The following ZNF341 variants were observed in gnomAD, a reference collection of about 807,000 sequenced individuals.
ZNF341 encodes the protein zinc finger protein 341.
In ZNF341, 52 loss-of-function variants were observed where a neutral mutation model predicts 87.7. That is an observed-to-expected ratio of 0.59 (90% CI 0.47 to 0.75). ZNF341 has a LOEUF of 0.75. ZNF341 is among the 30% of genes least tolerant of loss of function. ZNF341 has a pLI of 0.00. For missense variants in ZNF341, 977 were observed against 1,145.9 expected (o/e 0.85, Z 2.13); for synonymous variants, 459 against 472.7 (o/e 0.97, Z 0.38).
chr20:33,768,907 T>C (rs902961470), intron 9 of ZNF341, among the ~76,000 whole-genome samples: 2 of 152,116 alleles, frequency 1.3e-5, no homozygotes, highest in Non-Finnish European at 2.9e-5. Context: ...GAGTCAGAAT[T>C]TTACTTAACT....
Position 33,790,874 on chromosome 20 carries a change from G to A in ZNF341, c.2036-114G>A, listed in dbSNP as rs1315186057. 3.9e-6 allele frequency: 5 copies of A among 1,266,446 alleles called. No homozygotes were observed. In the South Asian group the frequency reaches 4.5e-5, roughly 11 times the overall value. 78.5% of individuals were successfully genotyped at this position (1,266,446 alleles called of 1,614,324 possible). A position where few individuals can be genotyped will look rare whatever the true frequency, so the allele number is the denominator to read the frequency against. On this transcript the variant is annotated intron_variant, in intron 14 of 14. Transcript: ENST00000375200. The stretch of plus-strand genomic sequence containing the variant: ...AGACGACGAGGGTGGAGAGAGCTGG[G>A]GCCAGATCACACAGGTGCTGGTGGG...
At chr20:33,770,411 C>T (rs1015401494) in intron 10 of ZNF341, 119 bp downstream of exon 10, 25 of 1,044,376 alleles carry the variant, frequency 2.4e-5, no homozygotes, top group South Asian at 4.9e-5. Context: ...AAGGAGAAAC[C>T]GAGGCTCCTG....
chr20:33,781,838 C>T (rs1197626669), intron 11 of ZNF341, among the ~76,000 whole-genome samples: 1 of 152,018 alleles, frequency 6.6e-6, no homozygotes, highest in Non-Finnish European at 1.5e-5. Context: ...TGCCACCATG[C>T]CCAGCTAATT....
At position 33,783,777 on chromosome 20, in the gene ZNF341, G is replaced by C; in HGVS notation, c.1765G>C (p.Gly589Arg). 1 of 1,613,788 alleles carries C rather than the reference G, an allele frequency of 6.2e-7. No individual in the cohort carries two copies. Among genetic ancestry groups the C allele is most frequent in the Non-Finnish European group, 8.5e-7 (1 of 1,179,870 alleles). ...CCTGCGGCGTCATCTGCCCACCCACGGCAGCGGGGGCAGGTTCAAGTGCCA... is the reference window on the plus strand; with the variant it reads ...CCTGCGGCGTCATCTGCCCACCCACCGCAGCGGGGGCAGGTTCAAGTGCCA... ...RYLRRHLPTH[G>R]SGGRFKCQVC... The change falls in exon 12 of 15, where the codon GGC (glycine) becomes CGC (arginine). Residue 589 changes from glycine to arginine, a missense_variant. This residue lies in a region of ZNF341 where 241 missense variants were observed against 335.0 expected (regional missense o/e 0.72). Coordinates refer to ENST00000375200, the MANE Select transcript of ZNF341 (RefSeq NM_001282933.2).
chr20:33,737,396 A>G (rs192007908), intron 1 of ZNF341, among the ~76,000 whole-genome samples: 3,755 of 152,168 alleles, frequency 0.025, 137 homozygotes, highest in African/African-American at 0.085. Flanking sequence ...ATCTCACCTC[A>G]CTGCAACCTC....
At chr20:33,733,704 A>T (rs1377869864) in intron 1 of ZNF341, among the ~76,000 whole-genome samples, 1 of 152,152 alleles carries the variant, frequency 6.6e-6, no homozygotes, top group Non-Finnish European at 1.5e-5. Flanking sequence ...CACAATTCGC[A>T]CCAGGAAATG....
At position 33,781,375 on chromosome 20, in the gene ZNF341, A is replaced by G. The variant is rs1568592487; in HGVS notation, c.1707A>G (p.Pro569=). 1 of 1,614,040 alleles carries G rather than the reference A, an allele frequency of 6.2e-7. No individual in the cohort carries two copies. The highest frequency in any genetic ancestry group is 2.2e-5 in the East Asian group (1 of 44,872). Residue 569 remains proline (P), a synonymous_variant, in exon 11 of 15, where the codon CCA becomes CCG. Transcript: ENST00000375200. The part of the protein sequence containing the change: ...LQTATHNFPC[P]HCQKVFPCER... ...CCGCCACTCACAACTTCCCCTGCCC[A>G]CACTGCCAGAAGGTGGGTGCCACTG...
At chr20:33,762,648 A>G (rs2019320163) in intron 8 of ZNF341, among the ~76,000 whole-genome samples, 1 of 151,932 alleles carries the variant, frequency 6.6e-6, no homozygotes, top group Admixed American at 6.6e-5. Context: ...TAGGCCCTGC[A>G]TGCATTCGGT....
Position 33,770,293 on chromosome 20 carries a change from G to A in ZNF341, c.1622+1G>A, listed in dbSNP as rs1461028276. The A allele has an allele frequency of 1.5e-6, 2 of 1,329,468 alleles. No individual in the cohort carries two copies. Among genetic ancestry groups the A allele is most frequent in the Non-Finnish European group, 2.0e-6 (2 of 992,544 alleles). 82.4% of individuals were successfully genotyped at this position (1,329,468 alleles called of 1,614,324 possible). The stretch of plus-strand genomic sequence containing the variant: ...CCAAGAAGGACAATGCCGTCTACAA[G>A]TAAGTGCCTCCTGCTTCCCTCTCCC... On this transcript the variant is annotated splice_donor_variant, in intron 10 of 14. Transcript: ENST00000375200. LOFTEE classifies it high-confidence loss of function.
At chr20:33,741,309 G>A (rs574904389) in intron 2 of ZNF341, among the ~76,000 whole-genome samples, 8 of 152,288 alleles carry the variant, frequency 5.3e-5, no homozygotes, top group Non-Finnish European at 5.9e-5. Flanking sequence ...TGCCCTGGAA[G>A]TGATTATTCA....
chr20:33,762,592 T>G (rs2019318093), intron 8 of ZNF341, among the ~76,000 whole-genome samples: 1 of 151,848 alleles, frequency 6.6e-6, no homozygotes, highest in African/African-American at 2.4e-5. Flanking sequence ...TAGGTATACG[T>G]GTGCCATGGT....
At chr20:33,750,867 C>G (rs916447843) in intron 4 of ZNF341, among the ~76,000 whole-genome samples, 3 of 152,180 alleles carry the variant, frequency 2.0e-5, no homozygotes, top group Non-Finnish European at 2.9e-5. Flanking sequence ...TCTTGAACTC[C>G]TGACCTCAGG....
At chr20:33,753,905 T>G (rs1331840337) in intron 5 of ZNF341, among the ~76,000 whole-genome samples, 1 of 152,168 alleles carries the variant, frequency 6.6e-6, no homozygotes, top group East Asian at 1.9e-4. Flanking sequence ...ACTGCGGATC[T>G]TGGCTGGGCT....
intron 1 of ZNF341, among the ~76,000 whole-genome samples, chr20:33,740,433 C>A (rs192646329): frequency 5.5e-4 from 84 of 152,258 alleles, no homozygotes; most frequent in East Asian, 1.3e-3. Context: ...AGCCCAAAAT[C>A]TTGGGCTCTC....
At chr20:33,769,480 AG>A (rs1283326562) in intron 9 of ZNF341, among the ~76,000 whole-genome samples, 1 of 152,196 alleles carries the variant, frequency 6.6e-6, no homozygotes, top group Non-Finnish European at 1.5e-5. Flanking sequence ...TGACATTGAA[AG>A]GGTATACACT....
chr20:33,752,309 T>G lies in ZNF341; in HGVS notation c.490-863T>G, dbSNP rs1026001432. 6.6e-6 allele frequency: 4 copies of G among 609,342 alleles called. No individual in the cohort carries two copies. In the African/African-American group the frequency reaches 7.3e-5, roughly 11 times the overall value. 37.7% of individuals were successfully genotyped at this position (609,342 alleles called of 1,614,324 possible). On this transcript the variant is annotated intron_variant, in intron 4 of 14. Coordinates refer to ENST00000375200, the MANE Select transcript of ZNF341 (RefSeq NM_001282933.2). ...CCGCACACGGATGCAGTATGGGACA[T>G]TCTTTATTCCTTTGTCTCAGACAGC...
At chr20:33,752,424 G>A (rs576242099) in intron 4 of ZNF341, 14 of 615,816 alleles carry the variant, frequency 2.3e-5, no homozygotes, top group Non-Finnish European at 3.8e-5. Flanking sequence ...TGAGGAGCAC[G>A]CTTCTTGAAG....
At chr20:33,756,347 A>C (rs2019177929) in intron 5 of ZNF341, among the ~76,000 whole-genome samples, 1 of 147,776 alleles carries the variant, frequency 6.8e-6, no homozygotes, top group Admixed American at 6.8e-5. Context: ...GACCCCTCTG[A>C]CTTCCTGGTT....
chr20:33,782,985 G>T (rs2019774424), intron 11 of ZNF341, among the ~76,000 whole-genome samples: 1 of 151,958 alleles, frequency 6.6e-6, no homozygotes, highest in African/African-American at 2.4e-5. Flanking sequence ...GAGAAACCCT[G>T]TCTCTACTAA....
Sources: allele counts gnomAD v4.1 joint callset (sites outside exome capture counted in the v4.1 genomes callset), GRCh38; gene constraint gnomAD v4.1.1; regional missense constraint gnomAD v4.1.1; transcripts MANE v1.5; gene names NCBI Gene and HGNC (gene_info 2026-07-23, HGNC 2026-07-21).